MSRB3: variants seen among roughly 807,000 people sequenced by gnomAD.
MSRB3 encodes methionine-R-sulfoxide reductase B3.
Under a neutral mutation model 21.0 loss-of-function variants are expected in MSRB3, and 13 were observed. That is an observed-to-expected ratio of 0.62 (90% CI 0.40 to 0.98). MSRB3 has a LOEUF of 0.98. Ranked by LOEUF, MSRB3 falls within the 50% of genes least tolerant of loss-of-function variation. MSRB3 has a pLI of 0.00. For synonymous variants in MSRB3, 87 were observed against 88.6 expected, an observed-to-expected ratio of 0.98 and a Z score of 0.10; for missense variants, 199 against 230.3, an observed-to-expected ratio of 0.86 and a Z score of 0.88.
chr12:65,302,001 A>G (rs1218540399), intron 1 of MSRB3, among the ~76,000 whole-genome samples: 1 of 152,128 alleles, frequency 6.6e-6, no homozygotes, highest in Non-Finnish European at 1.5e-5. Context: ...TTCACTATAA[A>G]TGTCATTTTT....
chr12:65,366,112 G>A (rs1028690070), intron 4 of MSRB3, among the ~76,000 whole-genome samples: 3 of 152,178 alleles, frequency 2.0e-5, no homozygotes, highest in African/African-American at 7.2e-5. Context: ...GCCCCCAGGT[G>A]CTCTCAGCCA....
At chr12:65,389,436 G>A (rs771854957) in intron 5 of MSRB3, among the ~76,000 whole-genome samples, 7 of 151,944 alleles carry the variant, frequency 4.6e-5, no homozygotes, top group Non-Finnish European at 7.4e-5. Context: ...CCTTTCTCAT[G>A]TAAGAACTCC....
intron 4 of MSRB3, among the ~76,000 whole-genome samples, chr12:65,357,587 C>G (rs1177000157): frequency 6.6e-6 from 1 of 151,818 alleles, no homozygotes; most frequent in African/African-American, 2.4e-5. Flanking sequence ...TGTCCTTTTT[C>G]TGTTCCAGGA....
chr12:65,344,926 C>A (rs751302406), intron 4 of MSRB3, among the ~76,000 whole-genome samples: 1 of 151,878 alleles, frequency 6.6e-6, no homozygotes, highest in African/African-American at 2.4e-5. Context: ...ATAGTGGATT[C>A]TAGAATTTTC....
At position 65,463,512 on chromosome 12, in the gene MSRB3, CT is replaced by C; in HGVS notation, c.*191del. ...ATTTTGCAATTGACTAGATCAAGAA[CT>C]GTTTATAGCTTTAGCAAATGGAGAC... On this transcript the variant is annotated 3_prime_UTR_variant, in exon 7 of 7. Transcript: ENST00000308259. 4.7e-6 allele frequency: 3 copies of C among 635,002 alleles called. No homozygotes were observed. In the Admixed American group the frequency reaches 9.1e-5, roughly 19 times the overall value. The allele number at this position is 635,002 out of a possible 1,614,324, so 39.3% of individuals were successfully genotyped here. A position where few individuals can be genotyped will look rare whatever the true frequency, so the allele number is the denominator to read the frequency against.
At chr12:65,354,248 A>G (rs1204555671) in intron 4 of MSRB3, among the ~76,000 whole-genome samples, 2 of 151,788 alleles carry the variant, frequency 1.3e-5, no homozygotes, top group African/African-American at 2.4e-5. Flanking sequence ...CATTCTCTGT[A>G]TTTCCTGAAT....
At chr12:65,425,058 T>TTATATAAATATAAATATATAAATA (rs1881523302) in intron 5 of MSRB3, among the ~76,000 whole-genome samples, 1 of 135,930 alleles carries the variant, frequency 7.4e-6, no homozygotes, top group African/African-American at 2.9e-5. Flanking sequence ...TTATATATAT[T>TTATATAAATATAAATATATAAATA]TACAGTAGTT....
At chr12:65,459,363 T>C (rs1386461375) in intron 6 of MSRB3, among the ~76,000 whole-genome samples, 1 of 152,146 alleles carries the variant, frequency 6.6e-6, no homozygotes, top group African/African-American at 2.4e-5. Flanking sequence ...AACTCACATA[T>C]TGCTGATGAT....
chr12:65,400,378 T>C (rs1350262528), intron 5 of MSRB3, among the ~76,000 whole-genome samples: 1 of 152,168 alleles, frequency 6.6e-6, no homozygotes, highest in Non-Finnish European at 1.5e-5. Context: ...TTCTTCTAGA[T>C]TTTCTAGCTT....
chr12:65,319,629 A>G (rs758530783), intron 2 of MSRB3, among the ~76,000 whole-genome samples: 3 of 152,118 alleles, frequency 2.0e-5, no homozygotes, highest in Non-Finnish European at 4.4e-5. Flanking sequence ...TACCTTATTT[A>G]TTTTTAACTT....
chr12:65,354,888 A>G (rs953078278), intron 4 of MSRB3, among the ~76,000 whole-genome samples: 1 of 151,878 alleles, frequency 6.6e-6, no homozygotes, highest in Non-Finnish European at 1.5e-5. Context: ...GTGTTAAAAT[A>G]TTTAAAATTG....
chr12:65,280,604 T>A (rs1871956583), intron 1 of MSRB3, among the ~76,000 whole-genome samples: 1 of 152,206 alleles, frequency 6.6e-6, no homozygotes, highest in East Asian at 1.9e-4. Context: ...GATATATCAG[T>A]CTAATTTCTG....
intron 6 of MSRB3, among the ~76,000 whole-genome samples, chr12:65,459,412 C>T (rs906406463): frequency 1.3e-5 from 2 of 152,182 alleles, no homozygotes; most frequent in Non-Finnish European, 2.9e-5. Context: ...TTCAGACTCA[C>T]AGCCCATCTC....
At position 65,287,020 on chromosome 12, in the gene MSRB3, CAAAAAAAAAAA is replaced by C. The variant is rs35236078; in HGVS notation, c.-52+8170_-52+8180del. On this transcript the variant is annotated intron_variant, in intron 1 of 6. Coordinates refer to ENST00000308259, the MANE Select transcript of MSRB3 (RefSeq NM_001031679.3). ...TGGGTGACAGAGCGAGACCCTTTCT[CAAAAAAAAAAA>C]AAAAAAAAAAAAAAGCAAAACCAAA... Among the ~76,000 whole-genome samples the C allele has an allele frequency of 3.5e-5, 2 of 57,152 alleles. 1 individual carries two copies. The highest frequency in any genetic ancestry group is 2.5e-3 in the South Asian group (2 of 806). 37.5% of individuals were successfully genotyped at this position (57,152 alleles called of 152,430 possible).
intron 4 of MSRB3, among the ~76,000 whole-genome samples, chr12:65,362,107 C>T (rs888781891): frequency 3.9e-5 from 6 of 152,076 alleles, no homozygotes; most frequent in East Asian, 1.9e-4. Flanking sequence ...ACCCTACTAT[C>T]TAATTCAGTG....
intron 4 of MSRB3, among the ~76,000 whole-genome samples, chr12:65,358,470 G>C (rs990199733): frequency 6.6e-6 from 1 of 151,754 alleles, no homozygotes; most frequent in Non-Finnish European, 1.5e-5. Flanking sequence ...TGCTCATATT[G>C]TTCCAGGTTT....
chr12:65,334,373 C>G (rs1875626033), intron 4 of MSRB3, among the ~76,000 whole-genome samples: 1 of 152,106 alleles, frequency 6.6e-6, no homozygotes. Flanking sequence ...GAAGATCACA[C>G]AGCCAGTATA....
intron 1 of MSRB3, among the ~76,000 whole-genome samples, chr12:65,288,469 T>C (rs1872513239): frequency 6.6e-6 from 1 of 152,224 alleles, no homozygotes; most frequent in Non-Finnish European, 1.5e-5. Flanking sequence ...ACTATAAGTG[T>C]TACACTGCAT....
intron 1 of MSRB3, among the ~76,000 whole-genome samples, chr12:65,302,286 A>C (rs1261658504): frequency 6.6e-6 from 1 of 152,098 alleles, no homozygotes; most frequent in Non-Finnish European, 1.5e-5. Flanking sequence ...TACAAATAAA[A>C]AGTCTTCCTT....
Sources: allele counts gnomAD v4.1 joint callset (sites outside exome capture counted in the v4.1 genomes callset), GRCh38; gene constraint gnomAD v4.1.1; transcripts MANE v1.5; gene names NCBI Gene and HGNC (gene_info 2026-07-23, HGNC 2026-07-21).